FSTL5: variants seen among roughly 807,000 people sequenced by gnomAD.
FSTL5 encodes the protein follistatin like 5.
In FSTL5, 62 loss-of-function variants were observed where a neutral mutation model predicts 89.1. The observed-to-expected ratio is 0.70, with a 90% confidence interval of 0.57 to 0.86. The LOEUF is 0.86. Among genes scored for constraint, FSTL5 ranks in the 40% least tolerant of loss-of-function variants. The pLI, the probability that FSTL5 is intolerant of heterozygous loss-of-function variation, is 0.00. For missense variants in FSTL5, 1,057 were observed against 1,001.6 expected (o/e 1.06, Z -0.75); for synonymous variants, 383 against 346.2 (o/e 1.11, Z -1.18).
At chr4:161,402,890 T>C (rs4691756) in intron 15 of FSTL5, among the ~76,000 whole-genome samples, 8,583 of 151,830 alleles carry the variant, frequency 0.057, 545 homozygotes, top group East Asian at 0.24. Flanking sequence ...GGCATGATCT[T>C]GGCTCACTGC....
At chr4:161,530,761 A>G (rs1731384726) in intron 10 of FSTL5, among the ~76,000 whole-genome samples, 1 of 152,096 alleles carries the variant, frequency 6.6e-6, no homozygotes, top group East Asian at 1.9e-4. Flanking sequence ...GATGTGAATC[A>G]ATCTGTTCTT....
At chr4:161,593,611 A>C (rs1733908182) in intron 7 of FSTL5, among the ~76,000 whole-genome samples, 2 of 151,980 alleles carry the variant, frequency 1.3e-5, no homozygotes, top group Admixed American at 1.3e-4. Context: ...GGCAAGGGGA[A>C]TCATACTGTA....
chr4:162,074,488 G>T (rs1358583814), intron 2 of FSTL5, among the ~76,000 whole-genome samples: 1 of 151,554 alleles, frequency 6.6e-6, no homozygotes, highest in Non-Finnish European at 1.5e-5. Flanking sequence ...ATCTTGAATT[G>T]ACATTAATAC....
At chr4:161,872,128 G>GTTTTTTTGTTTGTTTTTTT (rs1732282226) in intron 4 of FSTL5, among the ~76,000 whole-genome samples, 15 of 64,144 alleles carry the variant, frequency 2.3e-4, no homozygotes, top group Admixed American at 2.3e-4. Flanking sequence ...TTTGTAGTTT[G>GTTTTTTTGTTTGTTTTTTT]TTTTTTTTTT....
At chr4:161,649,771 T>C (rs1236792585) in intron 7 of FSTL5, among the ~76,000 whole-genome samples, 4 of 152,220 alleles carry the variant, frequency 2.6e-5, no homozygotes, top group African/African-American at 9.6e-5. Flanking sequence ...AGTTATTGCA[T>C]GCCAGAGATC....
At chr4:161,618,594 C>G (rs921709303) in intron 7 of FSTL5, among the ~76,000 whole-genome samples, 6 of 152,044 alleles carry the variant, frequency 3.9e-5, no homozygotes, top group African/African-American at 7.2e-5. Context: ...TGTGGTTTTT[C>G]TCTTCGGTTC....
intron 2 of FSTL5, among the ~76,000 whole-genome samples, chr4:162,068,174 C>T (rs939157330): frequency 6.6e-6 from 1 of 152,106 alleles, no homozygotes; most frequent in African/African-American, 2.4e-5. Context: ...CTTCCATTGA[C>T]GTTCTTCACA....
chr4:161,707,833 G>A (rs1738633655), intron 6 of FSTL5, among the ~76,000 whole-genome samples: 1 of 151,850 alleles, frequency 6.6e-6, no homozygotes, highest in African/African-American at 2.4e-5. Flanking sequence ...TGGATAATGT[G>A]TTCATTTCAT....
chr4:161,982,049 A>C (rs1240691134), intron 3 of FSTL5, among the ~76,000 whole-genome samples: 2 of 152,200 alleles, frequency 1.3e-5, no homozygotes, highest in African/African-American at 4.8e-5. Context: ...GAAATCTTAG[A>C]GCCCAATTTG....
chr4:161,686,305 CATATATATATATATATATATATATATAT>C (rs60120837), intron 6 of FSTL5, among the ~76,000 whole-genome samples: 26 of 25,984 alleles, frequency 1.0e-3, no homozygotes, highest in African/African-American at 3.2e-3. Flanking sequence ...TCTCCTTTGC[CATATATATATATATATATATATATATAT>C]ATATATATAT....
At chr4:161,972,602 C>A (rs576823119) in intron 3 of FSTL5, among the ~76,000 whole-genome samples, 2 of 152,174 alleles carry the variant, frequency 1.3e-5, no homozygotes, top group Non-Finnish European at 2.9e-5. Flanking sequence ...CTCAGGAAAC[C>A]GAATTCTGTC....
At chr4:162,150,845 ATATACG>A (rs1173354676) in intron 1 of FSTL5, among the ~76,000 whole-genome samples, 1 of 152,200 alleles carries the variant, frequency 6.6e-6, no homozygotes, top group Non-Finnish European at 1.5e-5. Context: ...TGAATTTCAA[ATATACG>A]TTTCAAAAGT....
At chr4:161,878,009 A>C (rs905454440) in intron 4 of FSTL5, among the ~76,000 whole-genome samples, 9 of 151,224 alleles carry the variant, frequency 6.0e-5, no homozygotes, top group Admixed American at 4.6e-4. Context: ...TTTTTTACTT[A>C]TATAGATTTA....
At chr4:161,810,359 A>G (rs367963066) in intron 4 of FSTL5, among the ~76,000 whole-genome samples, 4 of 152,270 alleles carry the variant, frequency 2.6e-5, no homozygotes, top group Non-Finnish European at 5.9e-5. Context: ...GTGATGAGTA[A>G]GATTATAATA....
At chr4:161,757,484 G>A (rs984033989) in intron 6 of FSTL5, among the ~76,000 whole-genome samples, 2 of 151,952 alleles carry the variant, frequency 1.3e-5, no homozygotes, top group Non-Finnish European at 2.9e-5. Flanking sequence ...CACTACAGCA[G>A]GAAGCATAGG....
chr4:161,697,957 GTA>G (rs1553959286), intron 6 of FSTL5, among the ~76,000 whole-genome samples: 5 of 151,758 alleles, frequency 3.3e-5, no homozygotes, highest in Non-Finnish European at 7.4e-5. Context: ...GTGTGTGTGT[GTA>G]TGTGTGTGTG....
rs1364676184 is a variant in FSTL5 at position 161,948,998 on chromosome 4, G to T, written c.161-28346C>A. Among the ~76,000 whole-genome samples, 7 of 152,108 alleles carry T rather than the reference G, an allele frequency of 4.6e-5. No individual in the cohort carries two copies. In the East Asian group the frequency reaches 9.7e-4, roughly 21 times the overall value. On this transcript the variant is annotated intron_variant, in intron 3 of 15. Transcript: ENST00000306100. ...CATTTACTCTCCTACAGCTCTGGAG[G>T]TTAGAAGTCTGAAATGGTCTCATTA...
chr4:161,777,173 A>C (rs1361990683), intron 4 of FSTL5, among the ~76,000 whole-genome samples: 1 of 151,424 alleles, frequency 6.6e-6, no homozygotes, highest in Non-Finnish European at 1.5e-5. Context: ...CATAATATCC[A>C]CCAGTTCCAG....
chr4:162,121,316 T>C (rs1017997738), intron 1 of FSTL5, among the ~76,000 whole-genome samples: 9 of 152,018 alleles, frequency 5.9e-5, no homozygotes, highest in Non-Finnish European at 1.3e-4. Context: ...TCTTATATAC[T>C]AATATCTCAA....
Sources: allele counts gnomAD v4.1 joint callset (sites outside exome capture counted in the v4.1 genomes callset), GRCh38; gene constraint gnomAD v4.1.1; transcripts MANE v1.5; gene names NCBI Gene and HGNC (gene_info 2026-07-23, HGNC 2026-07-21).